The following CCDC192 variants were observed in gnomAD, a reference collection of about 807,000 sequenced individuals.
CCDC192 encodes coiled-coil domain-containing protein 192.
At chr5:127,753,688 GAAAAA>G (rs71575707) in intron 2 of CCDC192, among the ~76,000 whole-genome samples, 1 of 124,372 alleles carries the variant, frequency 8.0e-6, no homozygotes. Context: ...ACTCTGCCTG[GAAAAA>G]AAAAAAAAAA....
At chr5:127,794,613 T>C (rs1317455941) in intron 3 of CCDC192, among the ~76,000 whole-genome samples, 1 of 152,212 alleles carries the variant, frequency 6.6e-6, no homozygotes, top group African/African-American at 2.4e-5. Context: ...GTATGAGTTT[T>C]TTGAGGCTGT....
chr5:127,759,507 GT>G (rs1754794527), intron 3 of CCDC192, among the ~76,000 whole-genome samples: 2 of 152,174 alleles, frequency 1.3e-5, no homozygotes. Flanking sequence ...CACCAGATCT[GT>G]TGGTGCCTTG....
intron 6 of CCDC192, among the ~76,000 whole-genome samples, chr5:127,875,947 G>A (rs186124587): frequency 1.2e-3 from 182 of 152,156 alleles, no homozygotes; most frequent in Non-Finnish European, 2.1e-3. Context: ...GGTGGTAGCA[G>A]GGGGAGGGCA....
intron 6 of CCDC192, among the ~76,000 whole-genome samples, chr5:127,886,561 T>G (rs1312097529): frequency 6.6e-6 from 1 of 152,214 alleles, no homozygotes; most frequent in African/African-American, 2.4e-5. Flanking sequence ...ATACTAAATA[T>G]GTTTTCTCTT....
At chr5:127,789,627 C>T (rs576951255) in intron 3 of CCDC192, among the ~76,000 whole-genome samples, 33 of 152,320 alleles carry the variant, frequency 2.2e-4, no homozygotes, top group East Asian at 5.8e-4. Context: ...GTGTGAAACA[C>T]GGACCTAATC....
At position 127,926,704 on chromosome 5, in the gene CCDC192, T is replaced by C. The variant is rs1580835036; in HGVS notation, c.536-14478T>C. On this transcript the variant is annotated intron_variant, in intron 6 of 6. Coordinates refer to ENST00000514853, the MANE Select transcript of CCDC192 (RefSeq NM_001317938.2). The stretch of plus-strand genomic sequence containing the variant: ...TTATATCTGAGGTGCTTATAAGATA[T>C]CTCAGTAGGAGTTCAGAGTCTAGAG... Among the ~76,000 whole-genome samples, 3 of 152,116 alleles carry C rather than the reference T, an allele frequency of 2.0e-5. No homozygotes were observed. In the East Asian group the frequency reaches 5.8e-4, roughly 29 times the overall value.
chr5:127,730,810 T>G (rs1051034380), intron 2 of CCDC192, among the ~76,000 whole-genome samples: 2 of 152,162 alleles, frequency 1.3e-5, no homozygotes, highest in Admixed American at 6.5e-5. Context: ...TTCAATAAAT[T>G]TCAACATCAC....
chr5:127,743,114 G>C (rs1320190197), intron 2 of CCDC192, among the ~76,000 whole-genome samples: 1 of 152,018 alleles, frequency 6.6e-6, no homozygotes, highest in African/African-American at 2.4e-5. Flanking sequence ...GAGGGGATGA[G>C]AAGAGAGAAG....
chr5:127,756,549 G>C (rs1228156), intron 3 of CCDC192, among the ~76,000 whole-genome samples: 3,162 of 152,104 alleles, frequency 0.021, 106 homozygotes, highest in African/African-American at 0.069. Context: ...CTGATCCATC[G>C]AGTGCAGGAT....
chr5:127,796,600 A>T (rs1757179490), intron 3 of CCDC192, among the ~76,000 whole-genome samples: 1 of 152,214 alleles, frequency 6.6e-6, no homozygotes, highest in South Asian at 2.1e-4. Context: ...TCTGCCTTTG[A>T]TCAGACTTTA....
At chr5:127,750,592 T>C (rs1469970300) in intron 2 of CCDC192, among the ~76,000 whole-genome samples, 1 of 149,578 alleles carries the variant, frequency 6.7e-6, no homozygotes, top group Non-Finnish European at 1.5e-5. Context: ...TATATTCTGT[T>C]GATTTGGGGT....
At chr5:127,858,098 C>T (rs1347235615) in intron 5 of CCDC192, among the ~76,000 whole-genome samples, 4 of 152,138 alleles carry the variant, frequency 2.6e-5, no homozygotes, top group South Asian at 2.1e-4. Flanking sequence ...TTAATATATA[C>T]GAAACACCTA....
At chr5:127,763,460 C>G (rs1755043432) in intron 3 of CCDC192, among the ~76,000 whole-genome samples, 1 of 152,166 alleles carries the variant, frequency 6.6e-6, no homozygotes, top group African/African-American at 2.4e-5. Context: ...TCTGCAGTGC[C>G]TCTCCTGACT....
chr5:127,805,566 A>G (rs1757735975), intron 5 of CCDC192, among the ~76,000 whole-genome samples: 1 of 152,222 alleles, frequency 6.6e-6, no homozygotes, highest in African/African-American at 2.4e-5. Context: ...TGGTTATAAT[A>G]GAGTTCTACC....
At chr5:127,874,178 C>T (rs1398206585) in intron 5 of CCDC192, among the ~76,000 whole-genome samples, 1 of 152,186 alleles carries the variant, frequency 6.6e-6, no homozygotes, top group Non-Finnish European at 1.5e-5. Context: ...TGTGTTGTGG[C>T]TCACGGTACC....
At chr5:127,935,801 G>A (rs1396409832) in intron 6 of CCDC192, among the ~76,000 whole-genome samples, 2 of 152,132 alleles carry the variant, frequency 1.3e-5, no homozygotes, top group Non-Finnish European at 2.9e-5. Flanking sequence ...AGAGCCACTT[G>A]CTTAGAAAAT....
intron 3 of CCDC192, among the ~76,000 whole-genome samples, chr5:127,771,170 A>AT (rs1413419192): frequency 2.0e-5 from 3 of 152,190 alleles, no homozygotes; most frequent in Non-Finnish European, 4.4e-5. Flanking sequence ...TATAGGTGCC[A>AT]TTTTTCCTAC....
intron 5 of CCDC192, among the ~76,000 whole-genome samples, chr5:127,813,426 A>T (rs932190320): frequency 7.2e-5 from 11 of 152,210 alleles, no homozygotes; most frequent in Non-Finnish European, 1.6e-4. Context: ...AATTGTTTCT[A>T]GCTTTAAATT....
intron 6 of CCDC192, among the ~76,000 whole-genome samples, chr5:127,898,112 G>GTT (rs200561865): frequency 6.9e-5 from 10 of 145,300 alleles, no homozygotes; most frequent in Admixed American, 2.1e-4. Context: ...ATATGGTCCA[G>GTT]TTTTTTTTTT....
Sources: allele counts gnomAD v4.1 joint callset (sites outside exome capture counted in the v4.1 genomes callset), GRCh38; gene constraint gnomAD v4.1.1; transcripts MANE v1.5; gene names NCBI Gene and HGNC (gene_info 2026-07-23, HGNC 2026-07-21).